The following CSMD3 variants were observed in gnomAD, a reference collection of about 807,000 sequenced individuals.
CSMD3 encodes the protein CUB and Sushi multiple domains 3, also known as CUB and sushi domain-containing protein 3.
A neutral mutation model predicts 435.2 loss-of-function variants in CSMD3; 177 were observed. The observed-to-expected ratio is 0.41, with a 90% confidence interval of 0.36 to 0.46. The LOEUF is 0.46. Among genes scored for constraint, CSMD3 ranks in the 20% least tolerant of loss-of-function variants. CSMD3 has a pLI of 0.34. For missense variants in CSMD3, 4,265 were observed against 4,504.6 expected (o/e 0.95, Z 1.52); for synonymous variants, 1,656 against 1,520.5 (o/e 1.09, Z -2.07).
At chr8:112,231,446 A>T in intron 69 of CSMD3, 99 bp downstream of exon 69, 1 of 803,550 alleles carries the variant, frequency 1.2e-6, no homozygotes, top group Non-Finnish European at 2.2e-6. Context: ...CAGAATTTAT[A>T]ATGCAGTAAG....
At chr8:112,786,812 C>T (rs770600654) in intron 13 of CSMD3, among the ~76,000 whole-genome samples, 32 of 151,942 alleles carry the variant, frequency 2.1e-4, no homozygotes, top group African/African-American at 3.4e-4. Context: ...TAGGCATACA[C>T]GTGTCATGGT....
chr8:113,210,251 C>G (rs2092818449), intron 3 of CSMD3, among the ~76,000 whole-genome samples: 1 of 151,928 alleles, frequency 6.6e-6, no homozygotes, highest in Admixed American at 6.6e-5. Flanking sequence ...GATCCTGAAG[C>G]CTTCGATGAA....
chr8:113,363,242 C>T (rs982058134), intron 1 of CSMD3, among the ~76,000 whole-genome samples: 2 of 151,710 alleles, frequency 1.3e-5, no homozygotes, highest in Non-Finnish European at 2.9e-5. Context: ...TTAGATACGA[C>T]AAAACATCAA....
At chr8:112,451,881 T>C (rs1026717501) in intron 32 of CSMD3, among the ~76,000 whole-genome samples, 1 of 152,232 alleles carries the variant, frequency 6.6e-6, no homozygotes, top group Non-Finnish European at 1.5e-5. Flanking sequence ...TTATTTCATT[T>C]TGTGTAAAGA....
chr8:112,643,333 G>A (rs558034340), intron 20 of CSMD3, among the ~76,000 whole-genome samples: 4 of 152,148 alleles, frequency 2.6e-5, no homozygotes, highest in South Asian at 4.2e-4. Context: ...AACACCATAC[G>A]GAGAAGCTAG....
intron 32 of CSMD3, among the ~76,000 whole-genome samples, chr8:112,453,616 CACAA>C (rs912961352): frequency 1.8e-4 from 28 of 152,024 alleles, no homozygotes; most frequent in African/African-American, 6.8e-4. Context: ...TCACAGATGA[CACAA>C]ACAAATGGAA....
chr8:113,013,875 T>G (rs2086353798), intron 6 of CSMD3, among the ~76,000 whole-genome samples: 1 of 152,254 alleles, frequency 6.6e-6, no homozygotes, highest in African/African-American at 2.4e-5. Flanking sequence ...GCAGACAGTG[T>G]TCCAGAAGGT....
chr8:113,129,173 C>A (rs2091220149), intron 4 of CSMD3, among the ~76,000 whole-genome samples: 1 of 152,030 alleles, frequency 6.6e-6, no homozygotes, highest in African/African-American at 2.4e-5. Context: ...TTATGTTTCC[C>A]TTTTCATATT....
chr8:113,324,460 G>A (rs1216183259), intron 1 of CSMD3, among the ~76,000 whole-genome samples: 1 of 152,130 alleles, frequency 6.6e-6, no homozygotes, highest in African/African-American at 2.4e-5. Context: ...TCAGAGAATG[G>A]AAGCTCCAAG....
intron 25 of CSMD3, among the ~76,000 whole-genome samples, chr8:112,555,086 C>T (rs571958579): frequency 1.3e-5 from 2 of 151,988 alleles, no homozygotes; most frequent in South Asian, 4.1e-4. Flanking sequence ...ATTTGATCAT[C>T]CATCATTAGA....
chr8:112,978,220 G>A (rs927401998), intron 6 of CSMD3, among the ~76,000 whole-genome samples: 2 of 151,902 alleles, frequency 1.3e-5, no homozygotes, highest in Non-Finnish European at 2.9e-5. Context: ...AAATTTATGA[G>A]AAATAATGGA....
chr8:112,891,820 T>C (rs2130335620), intron 10 of CSMD3, among the ~76,000 whole-genome samples: 1 of 151,618 alleles, frequency 6.6e-6, no homozygotes, highest in Non-Finnish European at 1.5e-5. Flanking sequence ...AATAGGAAAT[T>C]AAATCTCCAT....
At position 113,385,942 on chromosome 8, in the gene CSMD3, G is replaced by A. The variant is rs370042520; in HGVS notation, c.178+50735C>T. ...TTTTATATGAAAATTATCTATTTAC[G>A]TGCATTAAATTTTATTTGGGGACAT... On this transcript the variant is annotated intron_variant, in intron 1 of 70. Transcript: ENST00000297405. 1.8e-3 allele frequency among the ~76,000 whole-genome samples: 279 copies of A among 151,800 alleles called. 2 individuals are homozygous for A. Among genetic ancestry groups the A allele is most frequent in the African/African-American group, 5.3e-4 (22 of 41,426 alleles).
chr8:112,481,063 A>T (rs16883733), intron 31 of CSMD3, among the ~76,000 whole-genome samples: 2,647 of 152,330 alleles, frequency 0.017, 78 homozygotes, highest in African/African-American at 0.06. Flanking sequence ...GCAATGATAC[A>T]GTAGACAGAT....
At chr8:113,295,791 T>C (rs1039441309) in intron 2 of CSMD3, among the ~76,000 whole-genome samples, 4 of 152,160 alleles carry the variant, frequency 2.6e-5, no homozygotes, top group Non-Finnish European at 5.9e-5. Context: ...GCCATCCCAT[T>C]ACTGGGTATA....
intron 22 of CSMD3, among the ~76,000 whole-genome samples, chr8:112,587,808 A>T (rs1830859555): frequency 6.6e-6 from 1 of 151,814 alleles, no homozygotes; most frequent in African/African-American, 2.4e-5. Flanking sequence ...AATTGTAACA[A>T]ATTAGGGATC....
At chr8:112,803,242 G>C (rs1442677641) in intron 12 of CSMD3, among the ~76,000 whole-genome samples, 1 of 152,120 alleles carries the variant, frequency 6.6e-6, no homozygotes, top group African/African-American at 2.4e-5. Context: ...TGCATCCCTT[G>C]TGTCTCTTTA....
intron 1 of CSMD3, among the ~76,000 whole-genome samples, chr8:113,360,048 T>G (rs938709740): frequency 2.6e-5 from 4 of 152,206 alleles, no homozygotes; most frequent in Non-Finnish European, 5.9e-5. Flanking sequence ...GTTTACAGGT[T>G]TCTGTAAAAT....
chr8:113,153,837 AT>A (rs1008177473), intron 4 of CSMD3, among the ~76,000 whole-genome samples: 1 of 151,988 alleles, frequency 6.6e-6, no homozygotes, highest in East Asian at 1.9e-4. Flanking sequence ...AATGTATGCC[AT>A]TTTTTTCTTC....
Sources: gnomAD v4.1 joint callset for allele counts (sites outside exome capture counted in the v4.1 genomes callset) on GRCh38, gnomAD v4.1.1 for gene constraint, MANE v1.5 for transcripts, NCBI Gene and HGNC (gene_info 2026-07-23, HGNC 2026-07-21) for gene names.